Variants in FAM81A observed in about 807,000 individuals in gnomAD.
FAM81A encodes the protein protein FAM81A.
Under a neutral mutation model 46.7 loss-of-function variants are expected in FAM81A, and 19 were observed. That is an observed-to-expected ratio of 0.41 (90% confidence interval 0.28 to 0.60). FAM81A has a LOEUF of 0.60. FAM81A is among the 20% of genes least tolerant of loss of function. FAM81A has a pLI of 0.34. For synonymous variants in FAM81A, 183 were observed against 152.9 expected, an observed-to-expected ratio of 1.20 and a Z score of -1.45; for missense variants, 377 against 453.5, an observed-to-expected ratio of 0.83 and a Z score of 1.53.
At chr15:59,411,537 G>A (rs111764267) in intron 2 of FAM81A, among the ~76,000 whole-genome samples, 43 of 152,300 alleles carry the variant, frequency 2.8e-4, no homozygotes, top group African/African-American at 9.9e-4. Context: ...CTCCTTCAGA[G>A]CAGGGAAAAG....
intron 3 of FAM81A, among the ~76,000 whole-genome samples, chr15:59,469,960 C>A (rs1446044522): frequency 6.6e-5 from 10 of 152,072 alleles, no homozygotes; most frequent in African/African-American, 2.4e-4. Context: ...GATTTTATTT[C>A]TCCTTCCCTT....
intron 1 of FAM81A, chr15:59,401,284 T>G (rs1437923318): frequency 3.2e-6 from 3 of 944,580 alleles, no homozygotes; most frequent in Non-Finnish European, 5.2e-6. Context: ...CTGGGCATAT[T>G]TTCCCCAAAT....
At chr15:59,451,905 T>C (rs940728411) in intron 1 of FAM81A, among the ~76,000 whole-genome samples, 4 of 152,220 alleles carry the variant, frequency 2.6e-5, no homozygotes, top group African/African-American at 9.6e-5. Context: ...TTATCTCTCC[T>C]GGACATTCAC....
At chr15:59,519,441 G>A (rs1206926863) in intron 8 of FAM81A, among the ~76,000 whole-genome samples, 1 of 150,708 alleles carries the variant, frequency 6.6e-6, no homozygotes, top group South Asian at 2.1e-4. Flanking sequence ...CACCCGCCTC[G>A]GCCTGCCTTC....
intron 3 of FAM81A, among the ~76,000 whole-genome samples, chr15:59,468,828 C>G (rs2081648859): frequency 6.6e-6 from 1 of 152,146 alleles, no homozygotes; most frequent in African/African-American, 2.4e-5. Flanking sequence ...TTAGATCTTT[C>G]CTGCTTTCTC....
At chr15:59,471,211 G>A (rs2081684200) in intron 3 of FAM81A, among the ~76,000 whole-genome samples, 1 of 152,126 alleles carries the variant, frequency 6.6e-6, no homozygotes, top group Non-Finnish European at 1.5e-5. Flanking sequence ...TGTTCTATTA[G>A]TTATTGAAAT....
At chr15:59,481,746 A>G (rs1304452442) in intron 3 of FAM81A, among the ~76,000 whole-genome samples, 15 of 151,942 alleles carry the variant, frequency 9.9e-5, no homozygotes, top group African/African-American at 3.4e-4. Flanking sequence ...AACTAGAGTT[A>G]CTGGGTCAAA....
rs2082245584 is a variant in FAM81A at position 59,514,382 on chromosome 15, A to G, written c.744A>G (p.Leu248=). 1.2e-6 allele frequency: 2 copies of G among 1,613,686 alleles called. No homozygotes were observed. The part of the protein sequence containing the change: ...QEQERIEKEL[L]QKIDQLSLIV... The stretch of plus-strand genomic sequence containing the variant: ...AAGAACGGATAGAAAAAGAGCTTTT[A>G]CAGAAAATTGATCAGCTTTCCTTGA... Residue 248 remains leucine (L), a synonymous_variant, in exon 7 of 9, where the codon TTA becomes TTG. Transcript: ENST00000288228.
intron 2 of FAM81A, among the ~76,000 whole-genome samples, chr15:59,417,988 T>A (rs1443212660): frequency 1.3e-5 from 2 of 152,168 alleles, no homozygotes; most frequent in African/African-American, 4.8e-5. Context: ...GTTCTCATTG[T>A]TCATTCCCCA....
intron 1 of FAM81A, chr15:59,440,130 CT>C: frequency 6.6e-6 from 1 of 152,304 alleles, no homozygotes; most frequent in Middle Eastern, 3.4e-3. Context: ...GAAGGTAGTG[CT>C]ATCTGCTTGT....
At chr15:59,501,490 A>G (rs1356679713) in intron 4 of FAM81A, among the ~76,000 whole-genome samples, 2 of 152,106 alleles carry the variant, frequency 1.3e-5, no homozygotes, top group Non-Finnish European at 2.9e-5. Flanking sequence ...ATAATTATGT[A>G]TATATACAAA....
chr15:59,451,157 G>A (rs1476638757), intron 1 of FAM81A, among the ~76,000 whole-genome samples: 1 of 152,188 alleles, frequency 6.6e-6, no homozygotes, highest in Admixed American at 6.5e-5. Context: ...TCAGGGGGCT[G>A]ACTTACCTAG....
intron 4 of FAM81A, among the ~76,000 whole-genome samples, chr15:59,505,708 A>G (rs1167055065): frequency 6.6e-6 from 1 of 152,148 alleles, no homozygotes; most frequent in Non-Finnish European, 1.5e-5. Context: ...TCTTGTATAA[A>G]TGACTCTCAC....
At chr15:59,503,116 C>A (rs553510523) in intron 4 of FAM81A, among the ~76,000 whole-genome samples, 15 of 151,526 alleles carry the variant, frequency 9.9e-5, no homozygotes, top group Non-Finnish European at 2.1e-4. Context: ...GTAGTGGGTG[C>A]CTGTAATCCC....
chr15:59,419,601 C>T (rs541934510), intron 2 of FAM81A, among the ~76,000 whole-genome samples: 7 of 152,246 alleles, frequency 4.6e-5, no homozygotes, highest in Non-Finnish European at 7.4e-5. Context: ...AGGCCGGGCA[C>T]GGTGGCTCAA....
chr15:59,444,173 G>A (rs1158704898), intron 1 of FAM81A: 1 of 152,204 alleles, frequency 6.6e-6, no homozygotes, highest in Non-Finnish European at 1.5e-5. Context: ...CACTGTAGAG[G>A]CTCAATGAAT....
At position 59,412,891 on chromosome 15, in the gene FAM81A, G is replaced by A. The variant is rs188380143; in HGVS notation, c.-78+10533G>A. The stretch of plus-strand genomic sequence containing the variant: ...TGACATTAAAATTAGCCTTGAACTG[G>A]TTGAGAAAGGTCCTCCCTGAGCTCC... On this transcript the variant is annotated intron_variant, in intron 2 of 4. Coordinates refer to the FAM81A transcript ENST00000558348. Among the ~76,000 whole-genome samples the A allele has an allele frequency of 9.9e-5, 15 of 152,204 alleles. No homozygotes were observed. The East Asian group carries it at 2.9e-3, about 29-fold the overall frequency.
At chr15:59,487,947 AACAAAAAC>A (rs147770051) in intron 3 of FAM81A, among the ~76,000 whole-genome samples, 1 of 127,194 alleles carries the variant, frequency 7.9e-6, no homozygotes, top group East Asian at 2.1e-4. Context: ...GCAAAACAAA[AACAAAAAC>A]AACAACAAAA....
At chr15:59,408,427 G>A (rs970274766) in intron 2 of FAM81A, among the ~76,000 whole-genome samples, 50 of 152,330 alleles carry the variant, frequency 3.3e-4, no homozygotes, top group African/African-American at 1.1e-3. Flanking sequence ...GGGTGCAATG[G>A]CTCATGCCTA....
Sources: allele counts gnomAD v4.1 joint callset (sites outside exome capture counted in the v4.1 genomes callset), GRCh38; gene constraint gnomAD v4.1.1; transcripts MANE v1.5; gene names NCBI Gene and HGNC (gene_info 2026-07-23, HGNC 2026-07-21).